DGLUCY: variants seen among roughly 807,000 people sequenced by gnomAD.
The protein encoded by DGLUCY is D-glutamate cyclase.
A neutral mutation model predicts 58.5 loss-of-function variants in DGLUCY; 58 were observed. That is an observed-to-expected ratio of 0.99 (90% CI 0.80 to 1.23). The LOEUF (loss-of-function observed/expected upper bound fraction) is 1.23. DGLUCY is among the 50% of genes most tolerant of loss of function. The pLI is 0.00. For synonymous variants in DGLUCY, 325 were observed against 314.1 expected, an observed-to-expected ratio of 1.03 and a Z score of -0.37; for missense variants, 779 against 784.7, an observed-to-expected ratio of 0.99 and a Z score of 0.09.
intron 1 of DGLUCY, among the ~76,000 whole-genome samples, chr14:91,124,194 G>A (rs917203985): frequency 6.6e-6 from 1 of 152,086 alleles, no homozygotes; most frequent in African/African-American, 2.4e-5. Context: ...CCAAAGTGCT[G>A]GGATTACAGG....
At chr14:91,151,362 C>G (rs2047327237) in intron 1 of DGLUCY, among the ~76,000 whole-genome samples, 1 of 152,160 alleles carries the variant, frequency 6.6e-6, no homozygotes, top group South Asian at 2.1e-4. Flanking sequence ...AACTCAGCCT[C>G]CCAAGTAGCT....
chr14:91,171,826 C>T (rs116690179), intron 5 of DGLUCY, among the ~76,000 whole-genome samples: 1 of 152,288 alleles, frequency 6.6e-6, no homozygotes, highest in African/African-American at 2.4e-5. Flanking sequence ...GGCACCAGGC[C>T]GTGCTCCATG....
intron 1 of DGLUCY, among the ~76,000 whole-genome samples, chr14:91,141,662 C>G (rs1184708271): frequency 6.6e-6 from 1 of 150,772 alleles, no homozygotes; most frequent in Non-Finnish European, 1.5e-5. Flanking sequence ...AGTGATTATC[C>G]TGCCTCAGCC....
In DGLUCY at chr14:91,072,787, C is replaced by T. The variant is rs535960310; in HGVS notation, c.-82+12083C>T. On this transcript the variant is annotated intron_variant, in intron 1 of 4. Transcript: ENST00000521334. ...CTGTAATCCCAGCACTTTGGGAGGC[C>T]GAGGCGGGCAGATCACGAGGTCAGG... is the stretch of plus-strand genomic sequence containing the variant. 2.6e-5 allele frequency among the ~76,000 whole-genome samples: 4 copies of T among 151,884 alleles called. No individual in the cohort carries two copies. In the South Asian group the frequency reaches 8.3e-4, roughly 32 times the overall value.
At chr14:91,148,493 A>G (rs966246208) in intron 1 of DGLUCY, 23 of 151,966 alleles carry the variant, frequency 1.5e-4, no homozygotes, top group African/African-American at 5.6e-4. Context: ...GGCATGAGCC[A>G]CTGTGCCTGG....
Position 91,141,449 on chromosome 14 carries a change from ATAT to A in DGLUCY, c.-81-16185_-81-16183del, listed in dbSNP as rs374188787. On this transcript the variant is annotated intron_variant, in intron 1 of 13. Transcript: ENST00000256324. ...CTATGTGCCAAACACTGCTAAACAA[ATAT>A]TATTCCATTTCATCCTTAGAACGAT... is the stretch of plus-strand genomic sequence containing the variant. Among the ~76,000 whole-genome samples the A allele has an allele frequency of 5.1e-4, 77 of 152,282 alleles. No homozygotes were observed. In the Middle Eastern group the frequency reaches 0.017, roughly 34 times the overall value.
chr14:91,119,829 G>A (rs975938980), intron 1 of DGLUCY, among the ~76,000 whole-genome samples: 3 of 152,184 alleles, frequency 2.0e-5, no homozygotes, highest in African/African-American at 7.2e-5. Flanking sequence ...GAACATGGAA[G>A]GACTAGACTG....
At chr14:91,214,483 C>T (rs536246391) in intron 12 of DGLUCY, among the ~76,000 whole-genome samples, 36 of 152,234 alleles carry the variant, frequency 2.4e-4, no homozygotes, top group Non-Finnish European at 4.4e-4. Context: ...TGCGATCCAG[C>T]GCGACGGGGC....
chr14:91,181,206 A>T lies in DGLUCY; in HGVS notation c.751A>T (p.Ser251Cys), dbSNP rs1363520766. The change falls in exon 8 of 14, where the codon AGC becomes TGC. Residue 251 changes from serine to cysteine, a missense_variant. Transcript: ENST00000256324. Reference protein sequence around the residue: ...SSCETPLAFASIPGCTVMTDL... With the variant: ...SSCETPLAFACIPGCTVMTDL... ...TTTAGAGACCCCACTGGCTTTTGCCAGCATCCCAGGCTGCACAGTTATGAC... is the reference window on the plus strand; with the variant it reads ...TTTAGAGACCCCACTGGCTTTTGCCTGCATCCCAGGCTGCACAGTTATGAC... The T allele has an allele frequency of 6.2e-7, 1 of 1,614,156 alleles. No homozygotes were observed. The highest frequency in any genetic ancestry group is 8.5e-7 in the Non-Finnish European group (1 of 1,180,014).
chr14:91,131,618 C>CGA, intron 1 of DGLUCY, among the ~76,000 whole-genome samples: 1 of 152,004 alleles, frequency 6.6e-6, no homozygotes, highest in East Asian at 1.9e-4. Context: ...CTCCCCTCTT[C>CGA]CCCCACCCCA....
chr14:91,094,080 G>A (rs762104844), intron 1 of DGLUCY, among the ~76,000 whole-genome samples: 2 of 152,230 alleles, frequency 1.3e-5, no homozygotes, highest in East Asian at 1.9e-4. Flanking sequence ...TAAATTGTAC[G>A]CTTGAAAACG....
At chr14:91,159,388 A>C (rs1249986680) in intron 2 of DGLUCY, among the ~76,000 whole-genome samples, 1 of 152,164 alleles carries the variant, frequency 6.6e-6, no homozygotes, top group Non-Finnish European at 1.5e-5. Context: ...CGGAAGTTGC[A>C]CTGAGCTGAG....
At chr14:91,071,991 T>A (rs1353404853) in intron 1 of DGLUCY, among the ~76,000 whole-genome samples, 2 of 151,868 alleles carry the variant, frequency 1.3e-5, no homozygotes. Context: ...GCATGTAAAT[T>A]TACTCATCTT....
chr14:91,076,956 T>C (rs1313946249), intron 1 of DGLUCY, among the ~76,000 whole-genome samples: 1 of 152,116 alleles, frequency 6.6e-6, no homozygotes, highest in Non-Finnish European at 1.5e-5. Flanking sequence ...TTTCAGAAAG[T>C]TCCAGTAGGC....
At chr14:91,069,738 G>A (rs1035437166) in intron 1 of DGLUCY, among the ~76,000 whole-genome samples, 2 of 151,116 alleles carry the variant, frequency 1.3e-5, no homozygotes, top group African/African-American at 4.9e-5. Flanking sequence ...TGGAACTACA[G>A]CTATTGTGTA....
intron 1 of DGLUCY, among the ~76,000 whole-genome samples, chr14:91,147,089 C>T (rs2047052507): frequency 6.6e-6 from 1 of 152,310 alleles, no homozygotes; most frequent in South Asian, 2.1e-4. Flanking sequence ...CTGTGGCCTT[C>T]CTCTCTGAGT....
intron 1 of DGLUCY, among the ~76,000 whole-genome samples, chr14:91,080,112 T>C (rs934813043): frequency 6.6e-6 from 1 of 152,254 alleles, no homozygotes; most frequent in African/African-American, 2.4e-5. Context: ...GATTCATCCA[T>C]GTTGTAGCAT....
chr14:91,223,570 T>G (rs540497393), intron 13 of DGLUCY: 3 of 862,586 alleles, frequency 3.5e-6, no homozygotes, highest in African/African-American at 1.8e-5. Flanking sequence ...AGCTGTTCAC[T>G]AGGGACAGAC....
chr14:91,160,575 A>G (rs2047927611), intron 3 of DGLUCY, among the ~76,000 whole-genome samples, 178 bp downstream of exon 3: 1 of 152,174 alleles, frequency 6.6e-6, no homozygotes, highest in Non-Finnish European at 1.5e-5. Context: ...AAGAAACTGG[A>G]ACCTTGGATT....
Sources: gnomAD v4.1 joint callset for allele counts (sites outside exome capture counted in the v4.1 genomes callset) on GRCh38, gnomAD v4.1.1 for gene constraint, MANE v1.5 for transcripts, NCBI Gene and HGNC (gene_info 2026-07-23, HGNC 2026-07-21) for gene names.